ATP9A: variants seen among roughly 807,000 people sequenced by gnomAD.
The protein encoded by ATP9A is probable phospholipid-transporting ATPase IIA.
In ATP9A, 52 loss-of-function variants were observed where a neutral mutation model predicts 144.1. That is an observed-to-expected ratio of 0.36 (90% CI 0.29 to 0.45). ATP9A has a LOEUF of 0.45. Ranked by LOEUF, ATP9A falls within the 20% of genes least tolerant of loss-of-function variation. ATP9A has a pLI of 1.00. For missense variants in ATP9A, 947 were observed against 1,392.7 expected, an observed-to-expected ratio of 0.68 and a Z score of 5.09; for synonymous variants, 582 against 557.4, an observed-to-expected ratio of 1.04 and a Z score of -0.62.
At chr20:51,677,819 CA>C (rs1694679014) in intron 9 of ATP9A, among the ~76,000 whole-genome samples, 1 of 151,996 alleles carries the variant, frequency 6.6e-6, no homozygotes, top group African/African-American at 2.4e-5. Context: ...GGCCAGTGAA[CA>C]AGAGGAAAAT....
intron 18 of ATP9A, among the ~76,000 whole-genome samples, chr20:51,623,919 A>G (rs2077237288): frequency 6.6e-6 from 1 of 152,220 alleles, no homozygotes; most frequent in African/African-American, 2.4e-5. Context: ...ATCTAACAGG[A>G]AACTAGAATG....
intron 15 of ATP9A, among the ~76,000 whole-genome samples, chr20:51,635,746 G>A (rs1264939267): frequency 7.3e-6 from 1 of 137,814 alleles, no homozygotes; most frequent in Non-Finnish European, 1.6e-5. Flanking sequence ...AGGAAGGAAG[G>A]AAGGAAAAAG....
chr20:51,724,238 C>T (rs73269765), intron 3 of ATP9A, among the ~76,000 whole-genome samples: 10 of 152,256 alleles, frequency 6.6e-5, no homozygotes, highest in South Asian at 2.1e-4. Context: ...GCGTTCCCCC[C>T]CTGGGTCCCA....
chr20:51,656,160 G>GA (rs1431997558), intron 14 of ATP9A, among the ~76,000 whole-genome samples: 7 of 152,020 alleles, frequency 4.6e-5, no homozygotes, highest in African/African-American at 1.7e-4. Flanking sequence ...GCAGGAAAGT[G>GA]GGTATAGAAT....
chr20:51,726,037 G>T, intron 2 of ATP9A, 105 bp from the exon 3 acceptor site: 1 of 743,006 alleles, frequency 1.3e-6, no homozygotes, highest in Non-Finnish European at 2.3e-6. Flanking sequence ...CCTGCAGCCA[G>T]GCGTGGTGGT....
At chr20:51,698,129 T>A (rs574192650) in intron 4 of ATP9A, among the ~76,000 whole-genome samples, 1 of 152,208 alleles carries the variant, frequency 6.6e-6, no homozygotes, top group Admixed American at 6.5e-5. Flanking sequence ...ATGTCCCACC[T>A]TCCCCCAAAG....
At chr20:51,628,944 TC>T (rs1239501300) in intron 16 of ATP9A, 35 bp downstream of exon 16, 1 of 1,571,134 alleles carries the variant, frequency 6.4e-7, no homozygotes, top group Non-Finnish European at 8.8e-7. Context: ...AGAACATGCT[TC>T]CAAGGCCTGG....
At chr20:51,744,628 A>G (rs6123077) in intron 1 of ATP9A, among the ~76,000 whole-genome samples, 33,099 of 152,212 alleles carry the variant, frequency 0.22, 3,796 homozygotes, top group East Asian at 0.37. Context: ...CAAGGGAACA[A>G]TGTTTCTGAA....
chr20:51,676,213 A>G lies in ATP9A; in HGVS notation c.800-5T>C, dbSNP rs774998628. The G allele has an allele frequency of 6.3e-7, 1 of 1,585,260 alleles. No individual in the cohort carries two copies. The highest frequency in any genetic ancestry group is 8.5e-7 in the Non-Finnish European group (1 of 1,171,268). On this transcript the variant is annotated splice_polypyrimidine_tract_variant and splice_region_variant and intron_variant, in intron 9 of 27. Transcript: ENST00000338821. ...GAACAACACCCACAACAGTACCTAA[A>G]ATGGAAAAAAGAAAAAAAAAAAAAG...
At position 51,628,960 on chromosome 20, in the gene ATP9A, A is replaced by C. The variant is rs751372579; in HGVS notation, c.1761+20T>G. 21 of 1,603,904 alleles carry C rather than the reference A, an allele frequency of 1.3e-5. No individual in the cohort carries two copies. In the South Asian group the frequency reaches 2.3e-4, roughly 18 times the overall value. On this transcript the variant is annotated intron_variant, in intron 16 of 27. Coordinates refer to ENST00000338821, the MANE Select transcript of ATP9A (RefSeq NM_006045.3). ...GAACATGCTTCCAAGGCCTGGTTTA[A>C]CTTCCTGCATCACACTTACCTCTTC...
intron 4 of ATP9A, among the ~76,000 whole-genome samples, chr20:51,709,330 C>A (rs1421028437): frequency 6.6e-6 from 1 of 152,098 alleles, no homozygotes; most frequent in Non-Finnish European, 1.5e-5. Flanking sequence ...GCCTGGCTAA[C>A]ATGGTGAAAC....
At chr20:51,721,016 A>T (rs1017273527) in intron 3 of ATP9A, among the ~76,000 whole-genome samples, 2 of 152,180 alleles carry the variant, frequency 1.3e-5, no homozygotes, top group Non-Finnish European at 2.9e-5. Context: ...TCACCCCAAA[A>T]TGACTCAGAG....
At chr20:51,696,227 C>G in intron 5 of ATP9A, 83 bp from the exon 6 acceptor site, 1 of 1,312,072 alleles carries the variant, frequency 7.6e-7, no homozygotes, top group Non-Finnish European at 1.1e-6. Flanking sequence ...GCCCCCACCC[C>G]CAACCCCTCG....
intron 3 of ATP9A, among the ~76,000 whole-genome samples, chr20:51,719,377 G>GA (rs534302278): frequency 2.0e-5 from 3 of 152,138 alleles, no homozygotes; most frequent in South Asian, 4.2e-4. Flanking sequence ...AAAATCAAGA[G>GA]AAAAAATACT....
chr20:51,717,256 T>C, intron 3 of ATP9A, among the ~76,000 whole-genome samples: 1 of 151,540 alleles, frequency 6.6e-6, no homozygotes, highest in East Asian at 1.9e-4. Flanking sequence ...AAGAGTTGGG[T>C]TTGAAATGAG....
intron 4 of ATP9A, among the ~76,000 whole-genome samples, chr20:51,702,781 G>C (rs2077599588): frequency 6.6e-6 from 1 of 152,080 alleles, no homozygotes; most frequent in South Asian, 2.1e-4. Flanking sequence ...TTGCAAAAAA[G>C]GGGAAGAACA....
chr20:51,713,746 C>A (rs1022194170), intron 3 of ATP9A, among the ~76,000 whole-genome samples: 1 of 152,156 alleles, frequency 6.6e-6, no homozygotes, highest in Non-Finnish European at 1.5e-5. Context: ...TCTTTCAGGA[C>A]ATACACTGCA....
At chr20:51,749,366 A>G (rs6021417) in intron 1 of ATP9A, among the ~76,000 whole-genome samples, 136,814 of 152,112 alleles carry the variant, frequency 0.9, 61,721 homozygotes, top group African/African-American at 0.96. Flanking sequence ...GGATTCAAGC[A>G]ATTCTTCTGC....
At chr20:51,729,454 A>C (rs2077730202) in intron 2 of ATP9A, among the ~76,000 whole-genome samples, 1 of 152,132 alleles carries the variant, frequency 6.6e-6, no homozygotes, top group Non-Finnish European at 1.5e-5. Context: ...CAGTCTTTTA[A>C]GACTGTACCG....
Sources: allele counts gnomAD v4.1 joint callset (sites outside exome capture counted in the v4.1 genomes callset), GRCh38; gene constraint gnomAD v4.1.1; transcripts MANE v1.5; gene names NCBI Gene and HGNC (gene_info 2026-07-23, HGNC 2026-07-21).